The following SESN2 variants were observed in gnomAD, a reference collection of about 807,000 sequenced individuals.
SESN2 encodes the protein sestrin-2.
In SESN2, 42 loss-of-function variants were observed where a neutral mutation model predicts 56.0. The ratio of observed to expected loss-of-function variants is 0.75; its 90% CI spans 0.59 to 0.97. The LOEUF (loss-of-function observed/expected upper bound fraction) is 0.97. Ranked by LOEUF, SESN2 falls within the 50% of genes least tolerant of loss-of-function variation. The pLI, the probability that SESN2 is intolerant of heterozygous loss-of-function variation, is 0.00. For missense variants in SESN2, 507 were observed against 649.4 expected, an observed-to-expected ratio of 0.78 and a Z score of 2.38; for synonymous variants, 264 against 267.1, an observed-to-expected ratio of 0.99 and a Z score of 0.11.
At chr1:28,259,961 C>A (rs989739023) in intron 1 of SESN2, 24 bp downstream of exon 1, 49 of 1,486,702 alleles carry the variant, frequency 3.3e-5, no homozygotes, top group Middle Eastern at 4.5e-4. Flanking sequence ...GCGCGACGCC[C>A]CTCTTCCCTG....
intron 8 of SESN2, among the ~76,000 whole-genome samples, chr1:28,277,145 G>A (rs1648080804): frequency 6.7e-6 from 1 of 149,994 alleles, no homozygotes; most frequent in South Asian, 2.1e-4. Flanking sequence ...CTGACCTCAT[G>A]ATCCGCCCAC....
In SESN2 at chr1:28,281,084, C is replaced by T; in HGVS notation, c.*282C>T. The T allele has an allele frequency of 2.8e-6, 1 of 360,908 alleles. No individual in the cohort carries two copies. Among genetic ancestry groups the T allele is most frequent in the Non-Finnish European group, 5.0e-6 (1 of 198,500 alleles). The allele number at this position is 360,908 out of a possible 1,614,324, so 22.4% of individuals were successfully genotyped here. On this transcript the variant is annotated 3_prime_UTR_variant, in exon 10 of 10. Coordinates refer to ENST00000253063, the MANE Select transcript of SESN2 (RefSeq NM_031459.5). The stretch of plus-strand genomic sequence containing the variant: ...TTCCCCTGCCCACAGAGGCAGAGGG[C>T]ACAGGAAAGAAGCCGGGCCAAGCTC...
chr1:28,265,351 C>T lies in SESN2; in HGVS notation c.91-3832C>T, dbSNP rs188063718. Among the ~76,000 whole-genome samples the T allele has an allele frequency of 2.7e-3, 408 of 152,236 alleles. 2 individuals are homozygous for T. The highest frequency in any genetic ancestry group is 4.0e-3 in the Non-Finnish European group (275 of 68,008). ...TTTTGCCTTCAGGGCTTTATACTCG[C>T]GTTCCCTCTGGCTGGAATGCTGGTC... On this transcript the variant is annotated intron_variant, in intron 1 of 9. Transcript: ENST00000253063.
At chr1:28,265,224 G>A (rs1000354711) in intron 1 of SESN2, among the ~76,000 whole-genome samples, 1 of 152,200 alleles carries the variant, frequency 6.6e-6, no homozygotes. Context: ...GGCTGACTTG[G>A]AGGGGTCATT....
At position 28,275,027 on chromosome 1, in the gene SESN2, T is replaced by C; in HGVS notation, c.1211+12T>C. The C allele has an allele frequency of 6.3e-7, 1 of 1,597,152 alleles. No homozygotes were observed. The highest frequency in any genetic ancestry group is 1.1e-5 in the South Asian group (1 of 90,266). On this transcript the variant is annotated intron_variant, in intron 8 of 9. Coordinates refer to ENST00000253063, the MANE Select transcript of SESN2 (RefSeq NM_031459.5). ...GTCTTTGGCATCAGGTGAGCTCATA[T>C]CCCTTCATTTGGGGCATGTGTGCAC...
chr1:28,271,851 C>A lies in SESN2; in HGVS notation c.334C>A (p.Arg112Ser), dbSNP rs770770051. The A allele has an allele frequency of 6.2e-7, 1 of 1,614,134 alleles. No homozygotes were observed. Among genetic ancestry groups the A allele is most frequent in the South Asian group, 1.1e-5 (1 of 91,080 alleles). The change falls in exon 3 of 10, where the codon CGC (arginine) becomes AGC (serine). Residue 112 changes from arginine to serine, a missense_variant. Coordinates refer to ENST00000253063, the MANE Select transcript of SESN2 (RefSeq NM_031459.5). The stretch of plus-strand genomic sequence containing the variant: ...GGATGGTCCCTTGGCCAGCTCCTGG[C>A]GCCACTACATTGCCATCATGGTGAG... ...HTDGPLASSW[R>S]HYIAIMAAAR...
chr1:28,271,612 T>C (rs764186854), intron 2 of SESN2, 62 bp from the exon 3 acceptor site: 16 of 1,314,504 alleles, frequency 1.2e-5, no homozygotes, highest in Admixed American at 1.7e-5. Context: ...GAAGAATACA[T>C]TGGTCTCTTT....
intron 4 of SESN2, 44 bp downstream of exon 4, chr1:28,272,510 C>T (rs1647821432): frequency 6.2e-7 from 1 of 1,609,008 alleles, no homozygotes; most frequent in Admixed American, 1.7e-5. Flanking sequence ...GCACAGAGGC[C>T]TGGCTGGTGC....
At chr1:28,274,799 C>A in intron 7 of SESN2, 26 bp from the exon 8 acceptor site, 1 of 1,584,192 alleles carries the variant, frequency 6.3e-7, no homozygotes, top group Non-Finnish European at 8.6e-7. Context: ...TCCAAAGACT[C>A]ACCAATCCCT....
chr1:28,272,791 G>T lies in SESN2; in HGVS notation c.748G>T (p.Gly250Trp), dbSNP rs1367213266. The change falls in exon 5 of 10, where the codon GGG becomes TGG. Residue 250 changes from glycine (G) to tryptophan (W), a missense_variant and splice_region_variant. Gly to Trp is a radical substitution (Grantham distance 184). Transcript: ENST00000253063. ...PPSRDPLNNS[G>W]GFESARDVEA... ...AAGCAGGGACCCGTTGAACAACTCT[G>T]GGGTAAGTCACGGGCCTGGGTCTTG... 1 of 1,580,732 alleles carries T rather than the reference G, an allele frequency of 6.3e-7. No homozygotes were observed. The highest frequency in any genetic ancestry group is 1.7e-5 in the Admixed American group (1 of 57,824).
chr1:28,275,944 G>A (rs185915395), intron 8 of SESN2, among the ~76,000 whole-genome samples: 55 of 152,040 alleles, frequency 3.6e-4, no homozygotes, highest in African/African-American at 1.0e-3. Flanking sequence ...CCAGGAGTTC[G>A]AGACCAACCT....
chr1:28,274,133 A>G lies in SESN2; in HGVS notation c.995A>G (p.Gln332Arg), dbSNP rs146457553. 1.4e-5 allele frequency: 23 copies of G among 1,613,298 alleles called. No homozygotes were observed. The African/African-American group carries it at 2.8e-4, about 20-fold the overall frequency. The change falls in exon 7 of 10, where the codon CAG (glutamine) becomes CGG (arginine). Residue 332 changes from glutamine (Q) to arginine (R), a missense_variant. By Grantham distance (43) the Gln-to-Arg change is conservative (BLOSUM62 1). Transcript: ENST00000253063. Reference sequence around the variant, plus strand: ...GAGGACTTCACTCGGAGAGGGGCTCAGGCACCCCCTACCTTCCGGGCCCAG... The same window carrying G: ...GAGGACTTCACTCGGAGAGGGGCTCGGGCACCCCCTACCTTCCGGGCCCAG... ...GYEDFTRRGAQAPPTFRAQDY... is the reference protein window; with the variant it reads ...GYEDFTRRGARAPPTFRAQDY...
chr1:28,280,827 T>G lies in SESN2; in HGVS notation c.*25T>G. On this transcript the variant is annotated 3_prime_UTR_variant, in exon 10 of 10. Coordinates refer to ENST00000253063, the MANE Select transcript of SESN2 (RefSeq NM_031459.5). ...ACTCCTGAGCAGGACCTGGGCCCGGTTCAGCTCCCCACAAGGACTTCTCTG... is the reference window on the plus strand; with the variant it reads ...ACTCCTGAGCAGGACCTGGGCCCGGGTCAGCTCCCCACAAGGACTTCTCTG... 6.4e-7 allele frequency: 1 copy of G among 1,574,698 alleles called. No individual in the cohort carries two copies.
chr1:28,274,822 A>G lies in SESN2; in HGVS notation c.1021-3A>G, dbSNP rs770082027. On this transcript the variant is annotated splice_polypyrimidine_tract_variant and splice_region_variant and intron_variant, in intron 7 of 9. Transcript: ENST00000253063. ...CTCACCAATCCCTTCCCACCTACCT[A>G]AGGATTATACCTGGGAAGACCATGG... 1.2e-6 allele frequency: 2 copies of G among 1,608,364 alleles called. No homozygotes were observed. The highest frequency in any genetic ancestry group is 1.7e-5 in the Admixed American group (1 of 59,708).
At chr1:28,273,960 C>T in intron 6 of SESN2, 80 bp from the exon 7 acceptor site, 1 of 937,716 alleles carries the variant, frequency 1.1e-6, no homozygotes, top group Non-Finnish European at 1.7e-6. Context: ...CCTTCCCCTC[C>T]CCCTTTTGGT....
chr1:28,278,037 CT>C (rs1648111725), intron 8 of SESN2, among the ~76,000 whole-genome samples: 1 of 152,206 alleles, frequency 6.6e-6, no homozygotes. Flanking sequence ...ATTGGCTCCC[CT>C]CACTCACTAG....
At chr1:28,272,559 C>T (rs772489603) in intron 4 of SESN2, 22 bp from the exon 5 acceptor site, 1 of 1,612,970 alleles carries the variant, frequency 6.2e-7, no homozygotes, top group South Asian at 1.1e-5. Context: ...GCAGCTCTGA[C>T]CTCCCCCCTT....
chr1:28,273,735 G>C (rs987937785), intron 6 of SESN2, among the ~76,000 whole-genome samples: 1 of 152,162 alleles, frequency 6.6e-6, no homozygotes, highest in South Asian at 2.1e-4. Flanking sequence ...CTTCAGGATT[G>C]CTGTGTAGGG....
Position 28,272,595 on chromosome 1 carries a change from CG to C in SESN2, c.554del (p.Gly185AlafsTer62), listed in dbSNP as rs1557733786. On this transcript the variant is annotated frameshift_variant, in exon 5 of 10. Transcript: ENST00000253063. LOFTEE classifies it high-confidence loss of function. ...KEHIQALLKTGEHTWSLAELI... is the reference protein window; with the variant it reads ...KEHIQALLKTXEHTWSLAELI... ...GTCCCTTCCAGGCCTTGCTGAAGAC[CG>C]GCGAGCACACTTGGTCCCTGGCCGA... The C allele has an allele frequency of 6.2e-7, 1 of 1,613,988 alleles. No individual in the cohort carries two copies. Among genetic ancestry groups the C allele is most frequent in the Admixed American group, 1.7e-5 (1 of 60,024 alleles).
Sources: gnomAD v4.1 joint callset for allele counts (sites outside exome capture counted in the v4.1 genomes callset) on GRCh38, gnomAD v4.1.1 for gene constraint, MANE v1.5 for transcripts, NCBI Gene and HGNC (gene_info 2026-07-23, HGNC 2026-07-21) for gene names.